Variants in ARNT2 observed in about 807,000 individuals in gnomAD.
ARNT2 encodes ARNT protein 2.
ARNT2 carries 36 observed loss-of-function variants against 91.7 expected under a neutral mutation model. That is an observed-to-expected ratio of 0.39 (90% CI 0.30 to 0.52). The LOEUF is 0.52. Among genes scored for constraint, ARNT2 ranks in the 20% least tolerant of loss-of-function variants. ARNT2 has a pLI of 0.72. For missense variants in ARNT2, 775 were observed against 939.3 expected (o/e 0.83, Z 2.29); for synonymous variants, 365 against 347.1 (o/e 1.05, Z -0.57).
chr15:80,589,523 A>G (rs900789755), intron 17 of ARNT2, among the ~76,000 whole-genome samples: 2 of 152,228 alleles, frequency 1.3e-5, no homozygotes, highest in Admixed American at 1.3e-4. Flanking sequence ...GCATAAGGAC[A>G]TTCCCCCAGT....
chr15:80,412,399 G>A (rs1000535239), intron 1 of ARNT2, among the ~76,000 whole-genome samples: 1 of 152,136 alleles, frequency 6.6e-6, no homozygotes, highest in African/African-American at 2.4e-5. Flanking sequence ...TGTGTTGATT[G>A]TAAAAAATTT....
At chr15:80,428,377 A>G (rs991817859) in intron 1 of ARNT2, among the ~76,000 whole-genome samples, 4 of 152,254 alleles carry the variant, frequency 2.6e-5, no homozygotes, top group Non-Finnish European at 5.9e-5. Context: ...GAGAGGAATC[A>G]GACTGTTACC....
At chr15:80,580,126 A>C in intron 15 of ARNT2, 1 of 368,530 alleles carries the variant, frequency 2.7e-6, no homozygotes, top group Non-Finnish European at 5.1e-6. Context: ...GGCATAGGAT[A>C]GGGGCTGAAG....
At chr15:80,412,138 G>C (rs1001255367) in intron 1 of ARNT2, among the ~76,000 whole-genome samples, 3 of 152,204 alleles carry the variant, frequency 2.0e-5, no homozygotes, top group African/African-American at 7.2e-5. Flanking sequence ...TTGCAGATAA[G>C]CAGAGACTCT....
At chr15:80,513,013 G>C in intron 6 of ARNT2, among the ~76,000 whole-genome samples, 1 of 152,234 alleles carries the variant, frequency 6.6e-6, no homozygotes, top group East Asian at 1.9e-4. Context: ...ATGACATGGG[G>C]TGAGCCTCCT....
intron 2 of ARNT2, 85 bp downstream of exon 2, chr15:80,451,079 C>G (rs1185013838): frequency 1.6e-6 from 2 of 1,271,552 alleles, no homozygotes; most frequent in Non-Finnish European, 2.2e-6. Flanking sequence ...TGTTTCTCCC[C>G]TTCCTGTAGA....
chr15:80,589,059 C>T (rs1464760337), intron 17 of ARNT2, among the ~76,000 whole-genome samples: 3 of 152,044 alleles, frequency 2.0e-5, no homozygotes, highest in African/African-American at 7.2e-5. Flanking sequence ...TGTTTGTTGA[C>T]GAGAAGGAAG....
chr15:80,591,835 G>C lies in ARNT2; in HGVS notation c.2055+131G>C, dbSNP rs1484011292. ...GTTCTGGCCCAGCCTGGGCTCGAGGGAGTCCAGGAGTAGAAAGCCCCATCC... is the reference window on the plus strand; with the variant it reads ...GTTCTGGCCCAGCCTGGGCTCGAGGCAGTCCAGGAGTAGAAAGCCCCATCC... On this transcript the variant is annotated intron_variant, in intron 18 of 18. Transcript: ENST00000303329. The surrounding 1 kb of genome is among the most constrained non-coding windows in gnomAD (Gnocchi z 5.1). 3 of 1,401,780 alleles carry C rather than the reference G, an allele frequency of 2.1e-6. No individual in the cohort carries two copies. The East Asian group carries it at 7.2e-5, about 34-fold the overall frequency. 86.8% of individuals were successfully genotyped at this position (1,401,780 alleles called of 1,614,324 possible).
intron 5 of ARNT2, among the ~76,000 whole-genome samples, chr15:80,481,086 C>T (rs1317799224): frequency 6.6e-6 from 1 of 151,290 alleles, no homozygotes; most frequent in Non-Finnish European, 1.5e-5. Flanking sequence ...CCCAAGGGAT[C>T]TGGCTGGAAA....
At chr15:80,558,018 C>T (rs532951491) in intron 11 of ARNT2, among the ~76,000 whole-genome samples, 6 of 152,316 alleles carry the variant, frequency 3.9e-5, no homozygotes, top group African/African-American at 7.2e-5. Flanking sequence ...TCTTGAGTCA[C>T]GCTGGCCTTC....
chr15:80,563,180 A>G lies in ARNT2; in HGVS notation c.1257A>G (p.Thr419=), dbSNP rs370619205. The G allele has an allele frequency of 5.0e-6, 8 of 1,614,154 alleles. No individual in the cohort carries two copies. The South Asian group carries it at 6.6e-5, about 13-fold the overall frequency. The stretch of plus-strand genomic sequence containing the variant: ...TGTTGATCCGCACCAGCAGCTTCAC[A>G]TTCCAGAATCCCTATTCTGATGAGA... The part of the protein sequence containing the change: ...EWMLIRTSSF[T]FQNPYSDEIE... The change falls in exon 12 of 19, where the codon ACA becomes ACG. Residue 419 remains threonine, a synonymous_variant. Coordinates refer to ENST00000303329, the MANE Select transcript of ARNT2 (RefSeq NM_014862.4).
At chr15:80,447,632 A>G (rs1265917806) in intron 1 of ARNT2, among the ~76,000 whole-genome samples, 2 of 152,210 alleles carry the variant, frequency 1.3e-5, no homozygotes, top group Non-Finnish European at 2.9e-5. Flanking sequence ...TGAGTCACAG[A>G]GAAAAGATGC....
In ARNT2 at chr15:80,591,684, G is replaced by T. The variant is rs4072568; in HGVS notation, c.2035G>T (p.Gly679Cys). 1 of 1,613,898 alleles carries T rather than the reference G, an allele frequency of 6.2e-7. No homozygotes were observed. The highest frequency in any genetic ancestry group is 8.5e-7 in the Non-Finnish European group (1 of 1,179,892). ...TGAGCAGCACTCCCACCAGCAGCCC[G>T]GTCAGACTGAAGTGTTCCAGGTAAA... is the stretch of plus-strand genomic sequence containing the variant. ...SGEQHSHQQP[G>C]QTEVFQDMLP... Residue 679 changes from glycine to cysteine, a missense_variant, in exon 18 of 19, where the codon GGT becomes TGT. Around this residue, in one of 5 missense-constraint regions of ARNT2, gnomAD observed 325 missense variants for 359.9 expected, o/e 0.90. Transcript: ENST00000303329. This position sits in a 1 kb window ranked among gnomAD's most constrained non-coding sequence, Gnocchi z 5.1.
At chr15:80,494,477 A>G (rs1390409552) in intron 5 of ARNT2, among the ~76,000 whole-genome samples, 1 of 152,212 alleles carries the variant, frequency 6.6e-6, no homozygotes, top group Non-Finnish European at 1.5e-5. Context: ...GCATTTTTGT[A>G]GCATGATACC....
intron 1 of ARNT2, among the ~76,000 whole-genome samples, chr15:80,430,770 A>G (rs1895996197): frequency 6.6e-6 from 1 of 152,088 alleles, no homozygotes; most frequent in East Asian, 1.9e-4. Context: ...AAGGAACGCA[A>G]TCTCCTATCC....
chr15:80,576,151 A>G (rs545079885), intron 14 of ARNT2, among the ~76,000 whole-genome samples: 1 of 152,306 alleles, frequency 6.6e-6, no homozygotes, highest in Non-Finnish European at 1.5e-5. Context: ...AGACCCAGAG[A>G]GCTGAGATAA....
intron 5 of ARNT2, among the ~76,000 whole-genome samples, chr15:80,490,941 G>A (rs1400896801): frequency 6.6e-6 from 1 of 152,218 alleles, no homozygotes; most frequent in Non-Finnish European, 1.5e-5. Flanking sequence ...TGGGACAGGG[G>A]CAGGGGACCC....
Position 80,596,958 on chromosome 15 carries a change from A to T in ARNT2, c.*3260A>T. The T allele has an allele frequency of 5.6e-6, 2 of 355,334 alleles. No individual in the cohort carries two copies. Among genetic ancestry groups the T allele is most frequent in the South Asian group, 2.1e-5 (1 of 47,140 alleles). The allele number at this position is 355,334 out of a possible 1,614,324, so 22.0% of individuals were successfully genotyped here. On this transcript the variant is annotated 3_prime_UTR_variant, in exon 19 of 19. Coordinates refer to ENST00000303329, the MANE Select transcript of ARNT2 (RefSeq NM_014862.4). ...TTTTTAGCTTTGGCTTCAGGGAGTG[A>T]CAGCCATCACAAATAGCCACATTCT...
intron 1 of ARNT2, chr15:80,442,733 G>A (rs1222318407): frequency 8.2e-6 from 5 of 609,470 alleles, no homozygotes; most frequent in African/African-American, 2.0e-5. Flanking sequence ...ACTTTGCTGC[G>A]AAAGTCCTCC....
Sources: allele counts gnomAD v4.1 joint callset (sites outside exome capture counted in the v4.1 genomes callset), GRCh38; gene constraint gnomAD v4.1.1; regional missense constraint gnomAD v4.1.1; non-coding constraint Gnocchi (gnomAD v3.1); transcripts MANE v1.5; gene names NCBI Gene and HGNC (gene_info 2026-07-23, HGNC 2026-07-21).